The following TMEM132B variants were observed in gnomAD, a reference collection of about 807,000 sequenced individuals.
The protein encoded by TMEM132B is transmembrane protein 132B.
Under a neutral mutation model 90.8 loss-of-function variants are expected in TMEM132B, and 18 were observed. The observed-to-expected ratio is 0.20, with a 90% CI of 0.14 to 0.29. TMEM132B has a LOEUF of 0.29. Ranked by LOEUF, TMEM132B falls within the 10% of genes least tolerant of loss-of-function variation. The probability of loss-of-function intolerance (pLI) is 1.00; values close to 1 mark genes in which losing one functional copy is unlikely to be tolerated. For synonymous variants in TMEM132B, 504 were observed against 523.3 expected (o/e 0.96, Z 0.50); for missense variants, 1,096 against 1,326.8 (o/e 0.83, Z 2.70).
intron 1 of TMEM132B, among the ~76,000 whole-genome samples, chr12:125,187,141 C>G (rs1433153792): frequency 1.3e-5 from 2 of 152,160 alleles, no homozygotes; most frequent in Non-Finnish European, 2.9e-5. Context: ...CCTCTCGAGG[C>G]GGGTGGGGAC....
chr12:125,488,670 T>G lies in TMEM132B; in HGVS notation c.1107-30769T>G, dbSNP rs112333788. On this transcript the variant is annotated intron_variant, in intron 3 of 8. Coordinates refer to ENST00000682704, the MANE Select transcript of TMEM132B (RefSeq NM_001366854.1). Reference sequence around the variant, plus strand: ...CGTGGAACTGTAAGTCCATTAAACCTCTTTTTCTTCCCAGTCTTAGATATG... The same window carrying G: ...CGTGGAACTGTAAGTCCATTAAACCGCTTTTTCTTCCCAGTCTTAGATATG... Among the ~76,000 whole-genome samples the G allele has an allele frequency of 9.8e-5, 15 of 152,328 alleles. 3 individuals carry two copies. The highest frequency in any genetic ancestry group is 3.4e-4 in the African/African-American group (14 of 41,576).
At chr12:125,625,188 A>G (rs1281255095) in intron 5 of TMEM132B, among the ~76,000 whole-genome samples, 1 of 127,304 alleles carries the variant, frequency 7.9e-6, no homozygotes. Flanking sequence ...GCTGGAGTCC[A>G]GTGGCTCGAT....
intron 3 of TMEM132B, among the ~76,000 whole-genome samples, chr12:125,513,276 G>A (rs1016516621): frequency 2.0e-5 from 3 of 152,204 alleles, no homozygotes; most frequent in Non-Finnish European, 2.9e-5. Context: ...AGCCTTCTAA[G>A]TGTGGGGGAT....
chr12:125,255,236 T>TTCTCTCTCCTC lies in TMEM132B; in HGVS notation c.67+68382_67+68392dup, dbSNP rs1343394082. ...CAGCTTGCGGAGCAAATTCTCTCTC[T>TTCTCTCTCCTC]TCTCTCTCCTCTCTCTCTCCTCCTC... On this transcript the variant is annotated intron_variant, in intron 1 of 8. Coordinates refer to ENST00000682704, the MANE Select transcript of TMEM132B (RefSeq NM_001366854.1). Among the ~76,000 whole-genome samples the TTCTCTCTCCTC allele has an allele frequency of 8.6e-5, 13 of 151,938 alleles. 1 individual carries two copies. Among genetic ancestry groups the TTCTCTCTCCTC allele is most frequent in the African/African-American group, 3.1e-4 (13 of 41,372 alleles).
At position 125,459,801 on chromosome 12, in the gene TMEM132B, G is replaced by A. The variant is rs1354800376; in HGVS notation, c.1106+44124G>A. The stretch of plus-strand genomic sequence containing the variant: ...CCATAATTCCCATGTGTTATGGGAG[G>A]GACCTGGTGGGAGATAATTGAATCA... On this transcript the variant is annotated intron_variant, in intron 3 of 8. Coordinates refer to ENST00000682704, the MANE Select transcript of TMEM132B (RefSeq NM_001366854.1). The surrounding 1 kb of genome is among the most constrained non-coding windows in gnomAD (Gnocchi z 4.1). Among the ~76,000 whole-genome samples, 2 of 152,110 alleles carry A rather than the reference G, an allele frequency of 1.3e-5. No individual in the cohort carries two copies. Among genetic ancestry groups the A allele is most frequent in the Non-Finnish European group, 2.9e-5 (2 of 68,036 alleles).
intron 1 of TMEM132B, among the ~76,000 whole-genome samples, chr12:125,316,568 G>A (rs1876280220): frequency 3.9e-5 from 1 of 25,660 alleles, no homozygotes; most frequent in Admixed American, 5.3e-4. Flanking sequence ...CTTCCATGAA[G>A]CTATTTTCTA....
chr12:125,352,940 G>A (rs1467303489), intron 2 of TMEM132B, among the ~76,000 whole-genome samples: 1 of 152,230 alleles, frequency 6.6e-6, no homozygotes, highest in Non-Finnish European at 1.5e-5. Flanking sequence ...AAAACTTGGT[G>A]TGGACTGAGC....
At chr12:125,643,682 T>C (rs1427076684) in intron 5 of TMEM132B, among the ~76,000 whole-genome samples, 1 of 152,180 alleles carries the variant, frequency 6.6e-6, no homozygotes, top group Non-Finnish European at 1.5e-5. Context: ...TTCAGTAACA[T>C]AAAAACCTTT....
At chr12:125,482,652 G>A (rs921046535) in intron 3 of TMEM132B, among the ~76,000 whole-genome samples, 1 of 152,170 alleles carries the variant, frequency 6.6e-6, no homozygotes, top group African/African-American at 2.4e-5. Context: ...TGGTGGGAGT[G>A]TAAACTAGTT....
At chr12:125,299,917 C>G (rs1315165229) in intron 1 of TMEM132B, among the ~76,000 whole-genome samples, 1 of 152,230 alleles carries the variant, frequency 6.6e-6, no homozygotes, top group Admixed American at 6.5e-5. Context: ...TATGCCATTT[C>G]CCTGCTCTCA....
At chr12:125,452,955 G>A (rs1325563995) in intron 3 of TMEM132B, among the ~76,000 whole-genome samples, 1 of 151,752 alleles carries the variant, frequency 6.6e-6, no homozygotes, top group African/African-American at 2.4e-5. Context: ...TGTAAGTATT[G>A]CGGTAGTTTA....
At chr12:125,522,866 A>G (rs545718153) in intron 4 of TMEM132B, among the ~76,000 whole-genome samples, 81 of 152,308 alleles carry the variant, frequency 5.3e-4, no homozygotes, top group African/African-American at 1.9e-3. Flanking sequence ...CCATTGGAAA[A>G]GCAAAAATAT....
At chr12:125,282,603 C>CT (rs1875227878) in intron 1 of TMEM132B, among the ~76,000 whole-genome samples, 1 of 152,186 alleles carries the variant, frequency 6.6e-6, no homozygotes, top group African/African-American at 2.4e-5. Flanking sequence ...GTCCCCTCCC[C>CT]TTTGTTGGGG....
In TMEM132B at chr12:125,644,151, AC is replaced by A; in HGVS notation, c.1516del (p.His506ThrfsTer28). ...CAAAGTGGACACGATTGTGAACTTC[AC>A]CCACCAGCACTTCACCTCCCAGTTC... ...KSKVDTIVNF[T>X]HQHFTSQFEV... On this transcript the variant is annotated frameshift_variant, in exon 6 of 9. Coordinates refer to ENST00000682704, the MANE Select transcript of TMEM132B (RefSeq NM_001366854.1). LOFTEE classifies it high-confidence loss of function. The A allele has an allele frequency of 6.2e-7, 1 of 1,614,154 alleles. No homozygotes were observed. Among genetic ancestry groups the A allele is most frequent in the Non-Finnish European group, 8.5e-7 (1 of 1,180,038 alleles).
chr12:125,530,058 T>C (rs530005969), intron 4 of TMEM132B, among the ~76,000 whole-genome samples: 2 of 152,352 alleles, frequency 1.3e-5, no homozygotes, highest in African/African-American at 4.8e-5. Flanking sequence ...TATGTGGGGC[T>C]GCAGAAAATC....
At chr12:125,316,105 A>G (rs1362764776) in intron 1 of TMEM132B, among the ~76,000 whole-genome samples, 2 of 152,206 alleles carry the variant, frequency 1.3e-5, no homozygotes, top group African/African-American at 4.8e-5. Flanking sequence ...TGCCCAGCTC[A>G]AAGGAAGAGG....
intron 1 of TMEM132B, among the ~76,000 whole-genome samples, chr12:125,255,506 C>A (rs1874419694): frequency 6.6e-6 from 1 of 152,194 alleles, no homozygotes; most frequent in Admixed American, 6.5e-5. Context: ...ATGTATCCTG[C>A]TGCATACAGA....
chr12:125,360,386 C>A (rs201862422), intron 2 of TMEM132B, among the ~76,000 whole-genome samples: 2 of 152,172 alleles, frequency 1.3e-5, no homozygotes, highest in Admixed American at 6.5e-5. Flanking sequence ...TGCTCCTAGA[C>A]GATGGTCTAC....
intron 1 of TMEM132B, among the ~76,000 whole-genome samples, chr12:125,284,146 T>C (rs1022678341): frequency 5.9e-5 from 9 of 152,200 alleles, no homozygotes; most frequent in Non-Finnish European, 1.2e-4. Context: ...TTTTGTCTTA[T>C]TATTTGTTTA....
Sources: gnomAD v4.1 joint callset for allele counts (sites outside exome capture counted in the v4.1 genomes callset) on GRCh38, gnomAD v4.1.1 for gene constraint, Gnocchi (gnomAD v3.1) non-coding constraint, MANE v1.5 for transcripts, NCBI Gene and HGNC (gene_info 2026-07-23, HGNC 2026-07-21) for gene names.